Variants in HDX observed in about 807,000 individuals in gnomAD.
HDX encodes the protein highly divergent homeobox.
HDX carries 19 observed loss-of-function variants against 45.2 expected under a neutral mutation model. The observed-to-expected ratio is 0.42, with a 90% CI of 0.29 to 0.62. HDX has a LOEUF of 0.62. Among genes scored for constraint, HDX ranks in the 20% least tolerant of loss-of-function variants. The probability of loss-of-function intolerance (pLI) is 0.20; values close to 1 mark genes in which losing one functional copy is unlikely to be tolerated. For synonymous variants in HDX, 188 were observed against 172.8 expected (o/e 1.09, Z -0.69); for missense variants, 532 against 493.9 (o/e 1.08, Z -0.73).
At chrX:84,463,179 C>A (rs1569357639) in intron 4 of HDX, among the ~76,000 whole-genome samples, 1 of 110,725 alleles carries the variant, frequency 9.0e-6, no homozygotes, top group African/African-American at 3.3e-5. Flanking sequence ...TAATATATGT[C>A]TTAATCAAAT....
At chrX:84,354,404 G>A (rs1359844322) in intron 6 of HDX, among the ~76,000 whole-genome samples, 2 of 110,455 alleles carry the variant, frequency 1.8e-5, no homozygotes, top group Non-Finnish European at 3.8e-5. Context: ...ATATATAGAG[G>A]GTACACTTTT....
intron 4 of HDX, among the ~76,000 whole-genome samples, chrX:84,462,458 C>T (rs1163143207): frequency 9.0e-6 from 1 of 111,192 alleles, no homozygotes; most frequent in Non-Finnish European, 1.9e-5. Flanking sequence ...GTTGCAGGAG[C>T]TAAAATTTAA....
rs553684236 is a variant in HDX, at chrX:84,400,759, A to G, written c.1306-39147T>C. Among the ~76,000 whole-genome samples, 24 of 111,703 alleles carry G rather than the reference A, an allele frequency of 2.1e-4. 1 individual carries two copies. The South Asian group carries it at 9.1e-3, about 42-fold the overall frequency. On this transcript the variant is annotated intron_variant, in intron 5 of 10. Coordinates refer to ENST00000373177, the MANE Select transcript of HDX (RefSeq NM_001177479.2). ...CGTACAGCCAAGAAAATCCTAAGCA[A>G]AAAGAACAAAGCTGGAGTCATCATG...
chrX:84,414,491 C>A (rs1481194880), intron 5 of HDX, among the ~76,000 whole-genome samples: 2 of 111,710 alleles, frequency 1.8e-5, no homozygotes, highest in Non-Finnish European at 3.8e-5. Context: ...CCATATATTT[C>A]CAGAGCTAAC....
At chrX:84,346,983 C>T (rs2037221109) in intron 6 of HDX, among the ~76,000 whole-genome samples, 1 of 111,240 alleles carries the variant, frequency 9.0e-6, no homozygotes, top group Admixed American at 9.5e-5. Flanking sequence ...TGGAATATCT[C>T]TCCATTTATT....
chrX:84,439,064 GT>G lies in HDX; in HGVS notation c.1305+1467del, dbSNP rs1012337535. ...CAGTTCTGGTTTTTTCTTTTGTTTTGTTTTTTTGTTTTGCCTTTTTAATTAT... is the reference window on the plus strand; with the variant it reads ...CAGTTCTGGTTTTTTCTTTTGTTTTGTTTTTTGTTTTGCCTTTTTAATTAT... On this transcript the variant is annotated intron_variant, in intron 5 of 10. Coordinates refer to ENST00000373177, the MANE Select transcript of HDX (RefSeq NM_001177479.2). Among the ~76,000 whole-genome samples the G allele has an allele frequency of 7.8e-3, 863 of 110,926 alleles. 13 individuals are homozygous for G. Among genetic ancestry groups the G allele is most frequent in the African/African-American group, 0.027 (821 of 30,642 alleles).
At chrX:84,362,538 G>C (rs977815979) in intron 5 of HDX, among the ~76,000 whole-genome samples, 5 of 110,381 alleles carry the variant, frequency 4.5e-5, no homozygotes, top group Non-Finnish European at 7.6e-5. Context: ...GCAAAGCCCT[G>C]TGTGTGTGCT....
chrX:84,332,718 C>T (rs1462034985), intron 9 of HDX, among the ~76,000 whole-genome samples: 2 of 111,507 alleles, frequency 1.8e-5, no homozygotes, highest in Admixed American at 9.6e-5. Context: ...GAGAGATTAT[C>T]GTAATCTCTT....
chrX:84,414,907 A>G (rs1362932690), intron 5 of HDX, among the ~76,000 whole-genome samples: 1 of 112,320 alleles, frequency 8.9e-6, no homozygotes, highest in Non-Finnish European at 1.9e-5. Flanking sequence ...ATATGCTAGT[A>G]TTATTTTTAT....
At chrX:84,411,616 G>C (rs1186167425) in intron 5 of HDX, among the ~76,000 whole-genome samples, 1 of 111,467 alleles carries the variant, frequency 9.0e-6, no homozygotes, top group Non-Finnish European at 1.9e-5. Context: ...TATGCCATGT[G>C]CAGATGAGGA....
chrX:84,461,903 A>G (rs1166739933), intron 4 of HDX, among the ~76,000 whole-genome samples: 1 of 112,591 alleles, frequency 8.9e-6, no homozygotes, highest in East Asian at 2.8e-4. Context: ...AATTGCCAAC[A>G]GGCATATGAA....
intron 5 of HDX, among the ~76,000 whole-genome samples, chrX:84,427,230 A>AT (rs2039403951): frequency 1.8e-5 from 2 of 111,182 alleles, no homozygotes; most frequent in South Asian, 7.4e-4. Flanking sequence ...ATTTCATAAG[A>AT]TTTACAGTTC....
intron 5 of HDX, among the ~76,000 whole-genome samples, chrX:84,409,632 C>A (rs2038933111): frequency 1.0e-5 from 1 of 98,823 alleles, no homozygotes; most frequent in South Asian, 5.2e-4. Context: ...GACAAAAAAC[C>A]AAACACCGCA....
chrX:84,360,287 T>C (rs1430700385), intron 6 of HDX, among the ~76,000 whole-genome samples: 1 of 111,805 alleles, frequency 8.9e-6, no homozygotes, highest in Non-Finnish European at 1.9e-5. Context: ...CAACAGATGC[T>C]GGCAAGGCTG....
chrX:84,497,665 T>G (rs1432621063), intron 1 of HDX, among the ~76,000 whole-genome samples: 1 of 103,332 alleles, frequency 9.7e-6, no homozygotes. Context: ...GAAAAGAAAC[T>G]AGGGGAAAAT....
chrX:84,379,270 C>T (rs754153811), intron 5 of HDX, among the ~76,000 whole-genome samples: 3 of 109,146 alleles, frequency 2.7e-5, no homozygotes, highest in African/African-American at 9.9e-5. Context: ...GAGATAGGTC[C>T]CAATACAATA....
At chrX:84,431,923 C>A (rs1341575542) in intron 5 of HDX, among the ~76,000 whole-genome samples, 5 of 111,000 alleles carry the variant, frequency 4.5e-5, no homozygotes, top group African/African-American at 1.3e-4. Context: ...GTCCTATGTA[C>A]AGAATATTTC....
At chrX:84,428,192 T>C (rs2039424847) in intron 5 of HDX, among the ~76,000 whole-genome samples, 1 of 110,386 alleles carries the variant, frequency 9.1e-6, no homozygotes, top group Admixed American at 9.7e-5. Context: ...TTTTATCAGA[T>C]AGATCTTCTA....
chrX:84,494,382 C>G (rs2040957325), intron 1 of HDX, among the ~76,000 whole-genome samples: 1 of 112,299 alleles, frequency 8.9e-6, no homozygotes, highest in African/African-American at 3.2e-5. Flanking sequence ...TAACATTTCA[C>G]AATCTTGCAA....
Sources: gnomAD v4.1 joint callset for allele counts (sites outside exome capture counted in the v4.1 genomes callset) on GRCh38, gnomAD v4.1.1 for gene constraint, MANE v1.5 for transcripts, NCBI Gene and HGNC (gene_info 2026-07-23, HGNC 2026-07-21) for gene names.